The following ELAPOR1 variants were observed in gnomAD, a reference collection of about 807,000 sequenced individuals.
ELAPOR1 encodes endosome-lysosome associated apoptosis and autophagy regulator 1.
A neutral mutation model predicts 119.7 loss-of-function variants in ELAPOR1; 77 were observed. The observed-to-expected ratio is 0.64, with a 90% CI of 0.54 to 0.78. ELAPOR1 has a LOEUF of 0.78. Among genes scored for constraint, ELAPOR1 ranks in the 30% least tolerant of loss-of-function variants. ELAPOR1 has a pLI of 0.00. For missense variants in ELAPOR1, 1,115 were observed against 1,270.4 expected (o/e 0.88, Z 1.86); for synonymous variants, 481 against 487.2 (o/e 0.99, Z 0.17).
intron 7 of ELAPOR1, among the ~76,000 whole-genome samples, chr1:109,175,946 C>A (rs1185753611): frequency 6.6e-6 from 1 of 151,344 alleles, no homozygotes; most frequent in Non-Finnish European, 1.5e-5. Flanking sequence ...ATTTCATGAG[C>A]CTATATTGAT....
At position 109,162,007 on chromosome 1, in the gene ELAPOR1, C is replaced by T. The variant is rs1160544558; in HGVS notation, c.267C>T (p.Thr89=). The change falls in exon 2 of 22, where the codon ACC becomes ACT. Residue 89 remains threonine, a synonymous_variant. Transcript: ENST00000369939. ...CTSLPDPIKG[T]ECSFSCNAGE... is the part of the protein sequence containing the mutation. ...GCCTGCCTGACCCCATCAAGGGCAC[C>T]GAGTGCTGTAAGCAGCTATCCTGCT... 1.9e-6 allele frequency: 3 copies of T among 1,611,878 alleles called. No homozygotes were observed. The highest frequency in any genetic ancestry group is 1.7e-5 in the Admixed American group (1 of 59,978).
intron 15 of ELAPOR1, among the ~76,000 whole-genome samples, chr1:109,194,964 G>A (rs1283064352): frequency 6.6e-6 from 1 of 151,974 alleles, no homozygotes; most frequent in Admixed American, 6.6e-5. Context: ...AAAAAAATTA[G>A]CTGGGCGTGG....
intron 3 of ELAPOR1, among the ~76,000 whole-genome samples, chr1:109,170,879 G>A (rs1401422379): frequency 1.3e-5 from 2 of 152,076 alleles, no homozygotes; most frequent in Admixed American, 6.5e-5. Flanking sequence ...GAGTGAACAC[G>A]TATTTAGGAG....
At chr1:109,114,862 G>A (rs1215738341) in intron 1 of ELAPOR1, among the ~76,000 whole-genome samples, 2 of 152,112 alleles carry the variant, frequency 1.3e-5, no homozygotes, top group African/African-American at 4.8e-5. Context: ...CTAGTTCCTT[G>A]TTTATTAAAC....
At position 109,198,556 on chromosome 1, in the gene ELAPOR1, G is replaced by T. The variant is rs751962360; in HGVS notation, c.2400-17G>T. The T allele has an allele frequency of 1.2e-6, 2 of 1,606,758 alleles. No homozygotes were observed. The highest frequency in any genetic ancestry group is 1.7e-5 in the Admixed American group (1 of 59,358). Reference sequence around the variant, plus strand: ...CTGAGTGACTCATTCCCTCATGGGGGCTGGCTTTCTCTGCAGGTCCAATGA... The same window carrying T: ...CTGAGTGACTCATTCCCTCATGGGGTCTGGCTTTCTCTGCAGGTCCAATGA... On this transcript the variant is annotated splice_polypyrimidine_tract_variant and intron_variant, in intron 17 of 21. Transcript: ENST00000369939.
chr1:109,168,167 T>C (rs968937228), intron 3 of ELAPOR1, among the ~76,000 whole-genome samples: 1 of 152,162 alleles, frequency 6.6e-6, no homozygotes, highest in Admixed American at 6.5e-5. Context: ...CCCTCTTCTA[T>C]GTCTCCTACT....
At chr1:109,114,989 T>C (rs957943896) in intron 1 of ELAPOR1, among the ~76,000 whole-genome samples, 3 of 152,234 alleles carry the variant, frequency 2.0e-5, no homozygotes, top group African/African-American at 7.2e-5. Flanking sequence ...TTTTGAGTTC[T>C]TCAATATCTT....
In ELAPOR1 at chr1:109,147,996, ATT is replaced by A. The variant is rs36071384; in HGVS notation, c.154-13885_154-13884del. The stretch of plus-strand genomic sequence containing the variant: ...AGGTGCCCGCCACCACGCCCGGCTA[ATT>A]TTTTTTTTTTTTGTATTTTTAGTAG... On this transcript the variant is annotated intron_variant, in intron 1 of 21. Transcript: ENST00000369939. Among the ~76,000 whole-genome samples the A allele has an allele frequency of 3.6e-5, 5 of 139,894 alleles. No individual in the cohort carries two copies. In the South Asian group the frequency reaches 6.9e-4, roughly 19 times the overall value. The allele number at this position is 139,894 out of a possible 152,430, so 91.8% of individuals were successfully genotyped here. A position where few individuals can be genotyped will look rare whatever the true frequency, so the allele number is the denominator to read the frequency against.
At position 109,129,753 on chromosome 1, in the gene ELAPOR1, C is replaced by G. The variant is rs558376859; in HGVS notation, c.153+15417C>G. ...CAAACTGCTGAATCTCAGCATCTCA[C>G]TTACCAAAGGAGCTAATCCTATTTA... On this transcript the variant is annotated intron_variant, in intron 1 of 21. Transcript: ENST00000369939. Among the ~76,000 whole-genome samples the G allele has an allele frequency of 1.6e-4, 24 of 152,310 alleles. 1 individual carries two copies. The highest frequency in any genetic ancestry group is 5.8e-4 in the African/African-American group (24 of 41,568).
At chr1:109,141,832 A>AT (rs963714030) in intron 1 of ELAPOR1, among the ~76,000 whole-genome samples, 149 of 144,954 alleles carry the variant, frequency 1.0e-3, no homozygotes, top group Middle Eastern at 3.7e-3. Flanking sequence ...CACCTGGCTA[A>AT]TTTTTTTTTT....
rs564330798 is a variant in ELAPOR1 at position 109,127,550 on chromosome 1, G to A, written c.153+13214G>A. Among the ~76,000 whole-genome samples, 232 of 151,698 alleles carry A rather than the reference G, an allele frequency of 1.5e-3. 1 individual carries two copies. Among genetic ancestry groups the A allele is most frequent in the Non-Finnish European group, 2.7e-3 (183 of 67,892 alleles). On this transcript the variant is annotated intron_variant, in intron 1 of 21. Coordinates refer to ENST00000369939, the MANE Select transcript of ELAPOR1 (RefSeq NM_020775.5). ...TCAAGTCTGAGAAGGCTGATATGAT[G>A]TTACCTTTTTATTTTATTTATTTAT...
At position 109,120,980 on chromosome 1, in the gene ELAPOR1, A is replaced by G. The variant is rs138898733; in HGVS notation, c.153+6644A>G. 9.7e-4 allele frequency among the ~76,000 whole-genome samples: 148 copies of G among 152,328 alleles called. 1 individual carries two copies. Among genetic ancestry groups the G allele is most frequent in the African/African-American group, 3.2e-3 (135 of 41,582 alleles). ...AAATGTCACTCAATAAGAGCTATCT[A>G]CTGCTCTCTATTCTATCTGAGAGGA... On this transcript the variant is annotated intron_variant, in intron 1 of 21. Coordinates refer to ENST00000369939, the MANE Select transcript of ELAPOR1 (RefSeq NM_020775.5).
chr1:109,197,987 A>G lies in ELAPOR1; in HGVS notation c.2311A>G (p.Thr771Ala). The change falls in exon 17 of 22, where the codon ACA becomes GCA. Residue 771 changes from threonine (T) to alanine (A), a missense_variant. Transcript: ENST00000369939. ...SLADRLIGVTTDMTLDGITSP... is the reference protein window; with the variant it reads ...SLADRLIGVTADMTLDGITSP... ...GAGCTCTAATTTGGCAGGGGTGACA[A>G]CAGATATGACTCTGGATGGAATCAC... 6.2e-7 allele frequency: 1 copy of G among 1,614,104 alleles called. No homozygotes were observed.
intron 1 of ELAPOR1, among the ~76,000 whole-genome samples, chr1:109,155,274 C>A (rs991737739): frequency 6.6e-6 from 1 of 152,008 alleles, no homozygotes; most frequent in African/African-American, 2.4e-5. Flanking sequence ...CTCCCGGGTT[C>A]ACGCCATTCT....
chr1:109,171,724 AGCATTTTCAGGTC>A, intron 3 of ELAPOR1, 129 bp from the exon 4 acceptor site: 1 of 836,050 alleles, frequency 1.2e-6, no homozygotes, highest in Non-Finnish European at 1.9e-6. Flanking sequence ...TTCTTCACTG[AGCATTTTCAGGTC>A]CAAGTTTCAG....
intron 21 of ELAPOR1, 163 bp from the exon 22 acceptor site, chr1:109,202,781 G>T: frequency 1.3e-6 from 1 of 747,202 alleles, no homozygotes; most frequent in East Asian, 2.5e-5. Flanking sequence ...TGACCCTGAA[G>T]GGAGCAAGCA....
chr1:109,189,030 C>G, intron 9 of ELAPOR1, 36 bp from the exon 10 acceptor site: 1 of 1,608,396 alleles, frequency 6.2e-7, no homozygotes. Context: ...TGCAGCCTTC[C>G]CACTGAATGC....
chr1:109,171,331 T>A (rs1208278054), intron 3 of ELAPOR1, among the ~76,000 whole-genome samples: 3 of 151,942 alleles, frequency 2.0e-5, no homozygotes, highest in Non-Finnish European at 2.9e-5. Flanking sequence ...GTGGATCACT[T>A]GAGGTCAGGA....
At chr1:109,143,087 T>C (rs1385670816) in intron 1 of ELAPOR1, among the ~76,000 whole-genome samples, 5 of 152,080 alleles carry the variant, frequency 3.3e-5, no homozygotes, top group African/African-American at 1.2e-4. Flanking sequence ...GTAACTGGGA[T>C]TACAGGCATG....
Sources: gnomAD v4.1 joint callset for allele counts (sites outside exome capture counted in the v4.1 genomes callset) on GRCh38, gnomAD v4.1.1 for gene constraint, MANE v1.5 for transcripts, NCBI Gene and HGNC (gene_info 2026-07-23, HGNC 2026-07-21) for gene names.